Variants in KCND2 observed in about 807,000 individuals in gnomAD.
KCND2 encodes potassium voltage-gated channel subfamily D member 2.
A neutral mutation model predicts 54.4 loss-of-function variants in KCND2; 16 were observed. That is an observed-to-expected ratio of 0.29 (90% CI 0.20 to 0.45). The LOEUF is 0.45. KCND2 is among the 20% of genes least tolerant of loss of function. The pLI is 1.00. For missense variants in KCND2, 486 were observed against 824.2 expected, an observed-to-expected ratio of 0.59 and a Z score of 5.02; for synonymous variants, 317 against 310.7, an observed-to-expected ratio of 1.02 and a Z score of -0.21.
chr7:120,461,399 C>A (rs747579641), intron 1 of KCND2, among the ~76,000 whole-genome samples: 9 of 152,172 alleles, frequency 5.9e-5, no homozygotes, highest in Non-Finnish European at 1.2e-4. Context: ...ACTGTGTCTT[C>A]AAGCAGTGAA....
chr7:120,274,422 G>T lies in KCND2; in HGVS notation c.-211G>T. The T allele has an allele frequency of 4.7e-6, 3 of 643,948 alleles. No individual in the cohort carries two copies. Among genetic ancestry groups the T allele is most frequent in the Non-Finnish European group, 8.4e-6 (3 of 358,450 alleles). 39.9% of individuals were successfully genotyped at this position (643,948 alleles called of 1,614,324 possible). A position where few individuals can be genotyped will look rare whatever the true frequency, so the allele number is the denominator to read the frequency against. On this transcript the variant is annotated 5_prime_UTR_variant, in exon 1 of 6. Coordinates refer to ENST00000331113, the MANE Select transcript of KCND2 (RefSeq NM_012281.3). ...GATTGTTAGGACGTTGTATTTTGTT[G>T]CCATTATTCCAAATACCTGTCTTGG...
At chr7:120,309,057 C>G (rs1799689356) in intron 1 of KCND2, among the ~76,000 whole-genome samples, 3 of 151,964 alleles carry the variant, frequency 2.0e-5, no homozygotes, top group African/African-American at 7.3e-5. Context: ...ATTAGAAAAG[C>G]CAAGAAGACC....
In KCND2 at chr7:120,273,760, G is replaced by C. The variant is rs542195971; in HGVS notation, c.-873G>C. On this transcript the variant is annotated 5_prime_UTR_variant, in exon 1 of 6. Transcript: ENST00000331113. ...GCAACTAAGCCCCGGCGCGCACTTG[G>C]CCAGGTATGTACCGCGGGAGCGGCG... 1.3e-5 allele frequency: 2 copies of C among 152,710 alleles called. No individual in the cohort carries two copies. The highest frequency in any genetic ancestry group is 2.9e-5 in the Non-Finnish European group (2 of 68,102). The allele number at this position is 152,710 out of a possible 1,614,324, so 9.5% of individuals were successfully genotyped here.
At chr7:120,687,713 A>G (rs1792221533) in intron 1 of KCND2, among the ~76,000 whole-genome samples, 1 of 152,182 alleles carries the variant, frequency 6.6e-6, no homozygotes, top group Non-Finnish European at 1.5e-5. Context: ...TGCAATTTTT[A>G]TTTGTCAATT....
At chr7:120,678,887 G>C (rs1484644933) in intron 1 of KCND2, among the ~76,000 whole-genome samples, 3 of 151,012 alleles carry the variant, frequency 2.0e-5, no homozygotes, top group Non-Finnish European at 4.4e-5. Context: ...GAGTTCTGAA[G>C]CTTGACCCAA....
intron 1 of KCND2, among the ~76,000 whole-genome samples, chr7:120,636,782 A>G (rs1793309981): frequency 6.6e-6 from 1 of 152,136 alleles, no homozygotes; most frequent in African/African-American, 2.4e-5. Context: ...CAAAAATATT[A>G]AGGAATAAGC....
chr7:120,492,821 T>C (rs1040432575), intron 1 of KCND2, among the ~76,000 whole-genome samples: 2 of 152,126 alleles, frequency 1.3e-5, no homozygotes, highest in Non-Finnish European at 2.9e-5. Flanking sequence ...TTGGGCAAAG[T>C]TATCTAACAC....
chr7:120,657,066 G>GT (rs1376232106), intron 1 of KCND2, among the ~76,000 whole-genome samples: 1 of 151,902 alleles, frequency 6.6e-6, no homozygotes, highest in Non-Finnish European at 1.5e-5. Context: ...TTTAAAGGGG[G>GT]TAAAAAAAAA....
intron 1 of KCND2, among the ~76,000 whole-genome samples, chr7:120,604,332 T>A (rs1792851384): frequency 9.3e-6 from 1 of 107,996 alleles, no homozygotes; most frequent in Non-Finnish European, 2.0e-5. Flanking sequence ...CAAAACCCCG[T>A]CTTTACTAAA....
intron 1 of KCND2, among the ~76,000 whole-genome samples, chr7:120,626,930 C>A (rs1185266595): frequency 6.6e-6 from 1 of 152,152 alleles, no homozygotes; most frequent in Non-Finnish European, 1.5e-5. Context: ...TTCTCATGAT[C>A]CCTAAGTTCC....
chr7:120,289,980 A>C (rs1327768107), intron 1 of KCND2, among the ~76,000 whole-genome samples: 1 of 152,076 alleles, frequency 6.6e-6, no homozygotes, highest in Non-Finnish European at 1.5e-5. Flanking sequence ...TAGGCACCAA[A>C]TAAGAAAATA....
At chr7:120,481,260 G>A (rs1183589233) in intron 1 of KCND2, among the ~76,000 whole-genome samples, 3 of 152,176 alleles carry the variant, frequency 2.0e-5, no homozygotes, top group Non-Finnish European at 4.4e-5. Flanking sequence ...GATACCTGGT[G>A]GAAGAAGTTT....
intron 1 of KCND2, among the ~76,000 whole-genome samples, chr7:120,685,431 G>A (rs977825327): frequency 2.6e-5 from 4 of 152,140 alleles, no homozygotes; most frequent in Admixed American, 2.6e-4. Context: ...GATTACAATG[G>A]AAGCAGAGCA....
At position 120,425,322 on chromosome 7, in the gene KCND2, AACATGC is replaced by A. The variant is rs1459301099; in HGVS notation, c.1115+149589_1115+149594del. 5.3e-5 allele frequency among the ~76,000 whole-genome samples: 8 copies of A among 152,368 alleles called. No homozygotes were observed. In the East Asian group the frequency reaches 1.3e-3, roughly 26 times the overall value. The stretch of plus-strand genomic sequence containing the variant: ...ATATTGGAATGAATATAAAAAATAT[AACATGC>A]ACATGCACATGCAAACACTTATGTA... On this transcript the variant is annotated intron_variant, in intron 1 of 5. Transcript: ENST00000331113.
At chr7:120,291,524 A>G (rs947967836) in intron 1 of KCND2, among the ~76,000 whole-genome samples, 1 of 151,988 alleles carries the variant, frequency 6.6e-6, no homozygotes, top group African/African-American at 2.4e-5. Flanking sequence ...AGAACAACAA[A>G]TGCACGGTCA....
At chr7:120,422,582 C>A (rs1450659904) in intron 1 of KCND2, among the ~76,000 whole-genome samples, 1 of 152,142 alleles carries the variant, frequency 6.6e-6, no homozygotes, top group Non-Finnish European at 1.5e-5. Flanking sequence ...ACTGGGAGAA[C>A]CATAATATCC....
At chr7:120,434,061 G>A (rs1035361920) in intron 1 of KCND2, among the ~76,000 whole-genome samples, 1 of 152,086 alleles carries the variant, frequency 6.6e-6, no homozygotes, top group Non-Finnish European at 1.5e-5. Context: ...TAATGTAAGG[G>A]AAATCATAGT....
intron 1 of KCND2, among the ~76,000 whole-genome samples, chr7:120,508,339 G>A (rs1803059692): frequency 6.6e-6 from 1 of 151,824 alleles, no homozygotes; most frequent in South Asian, 2.1e-4. Flanking sequence ...GAAATTTCCA[G>A]TCAGAAACGG....
chr7:120,610,760 T>C (rs1429269607), intron 1 of KCND2, among the ~76,000 whole-genome samples: 1 of 152,192 alleles, frequency 6.6e-6, no homozygotes, highest in Non-Finnish European at 1.5e-5. Flanking sequence ...TTAAAGAAGC[T>C]ACATTCTCTC....
Sources: gnomAD v4.1 joint callset for allele counts (sites outside exome capture counted in the v4.1 genomes callset) on GRCh38, gnomAD v4.1.1 for gene constraint, MANE v1.5 for transcripts, NCBI Gene and HGNC (gene_info 2026-07-23, HGNC 2026-07-21) for gene names.